CCDC92: variants seen among roughly 807,000 people sequenced by gnomAD.
CCDC92 encodes coiled-coil domain-containing protein 92.
Under a neutral mutation model 24.9 loss-of-function variants are expected in CCDC92, and 12 were observed. That is an observed-to-expected ratio of 0.48 (90% CI 0.31 to 0.78). The LOEUF (loss-of-function observed/expected upper bound fraction) is 0.78, where lower values mean the gene tolerates loss of function less well. Ranked by LOEUF, CCDC92 falls within the 30% of genes least tolerant of loss-of-function variation. CCDC92 has a pLI of 0.05. For missense variants in CCDC92, 399 were observed against 439.4 expected (o/e 0.91, Z 0.82); for synonymous variants, 193 against 196.3 (o/e 0.98, Z 0.14).
chr12:123,955,512 C>T (rs1956129779), intron 1 of CCDC92, among the ~76,000 whole-genome samples: 1 of 152,246 alleles, frequency 6.6e-6, no homozygotes, highest in African/African-American at 2.4e-5. Flanking sequence ...AAATCTCAGT[C>T]TCTATGGTTT....
Position 123,943,329 on chromosome 12 carries a change from G to T in CCDC92, c.181+18C>A. 3 of 1,609,178 alleles carry T rather than the reference G, an allele frequency of 1.9e-6. No homozygotes were observed. In the South Asian group the frequency reaches 3.3e-5, roughly 18 times the overall value. On this transcript the variant is annotated intron_variant, in intron 3 of 4. Transcript: ENST00000238156. ...CCATAGCCGCCCCCCGCCTGCCCGGGCCTGCTCCCCGATGTACCTGTGCAG... is the reference window on the plus strand; with the variant it reads ...CCATAGCCGCCCCCCGCCTGCCCGGTCCTGCTCCCCGATGTACCTGTGCAG...
At position 123,946,964 on chromosome 12, in the gene CCDC92, C is replaced by T. The variant is rs899523354; in HGVS notation, c.-59-2600G>A. On this transcript the variant is annotated intron_variant, in intron 1 of 4. Coordinates refer to ENST00000238156, the MANE Select transcript of CCDC92 (RefSeq NM_025140.3). Reference sequence around the variant, plus strand: ...GTGGAGGGAGAGGCGCAAGCAGAACCGGGGCTGCGTGCGGCGGCGCTTGCA... The same window carrying T: ...GTGGAGGGAGAGGCGCAAGCAGAACTGGGGCTGCGTGCGGCGGCGCTTGCA... Among the ~76,000 whole-genome samples the T allele has an allele frequency of 4.6e-5, 7 of 152,110 alleles. No homozygotes were observed. The South Asian group carries it at 6.2e-4, about 14-fold the overall frequency.
Position 123,937,458 on chromosome 12 carries a change from G to A in CCDC92, c.596C>T (p.Pro199Leu), listed in dbSNP as rs1404252578. ...YKPAPPKDKL[P>L]ETPRRRMKKS... ...TTTCATGCGGCGGCGAGGCGTTTCG[G>A]GTAGCTTGTCTTTGGGGGGCGCTGG... The change falls in exon 5 of 5, where the codon CCC becomes CTC. Residue 199 changes from proline (P) to leucine (L), a missense_variant. Coordinates refer to ENST00000238156, the MANE Select transcript of CCDC92 (RefSeq NM_025140.3). The surrounding 1 kb of genome is among the most constrained non-coding windows in gnomAD (Gnocchi z 8.4). 5 of 1,613,354 alleles carry A rather than the reference G, an allele frequency of 3.1e-6. No individual in the cohort carries two copies. The highest frequency in any genetic ancestry group is 4.2e-6 in the Non-Finnish European group (5 of 1,180,024).
intron 1 of CCDC92, chr12:123,944,930 G>A (rs892820161): frequency 1.3e-5 from 2 of 152,184 alleles, no homozygotes; most frequent in Non-Finnish European, 2.9e-5. Context: ...ACCACGGGCA[G>A]TGATTGGGCA....
intron 1 of CCDC92, among the ~76,000 whole-genome samples, chr12:123,950,537 A>C (rs142992027): frequency 6.6e-6 from 1 of 152,164 alleles, no homozygotes. Flanking sequence ...AAGCAGCAAG[A>C]CTAGCTTAGG....
At chr12:123,966,406 T>C (rs1339345603) in intron 1 of CCDC92, 1 of 152,182 alleles carries the variant, frequency 6.6e-6, no homozygotes, top group Non-Finnish European at 1.5e-5. Flanking sequence ...ACATCCCCAA[T>C]GGTAGGACAT....
At chr12:123,948,257 G>A (rs1405717950) in intron 1 of CCDC92, among the ~76,000 whole-genome samples, 1 of 152,266 alleles carries the variant, frequency 6.6e-6, no homozygotes, top group East Asian at 1.9e-4. Context: ...CACGGGGGCA[G>A]AGGGGAATGG....
rs534203662 is a variant in CCDC92 at position 123,937,873 on chromosome 12, C to G, written c.224-43G>C. ...GGAAGCAGGTGAAGAACTCATTAGA[C>G]TGAGGCCGAGTGGTGAGGCCTATGG... On this transcript the variant is annotated intron_variant, in intron 4 of 4. Coordinates refer to ENST00000238156, the MANE Select transcript of CCDC92 (RefSeq NM_025140.3). This position sits in a 1 kb window ranked among gnomAD's most constrained non-coding sequence, Gnocchi z 8.4. 28 of 1,558,584 alleles carry G rather than the reference C, an allele frequency of 1.8e-5. No individual in the cohort carries two copies. Among genetic ancestry groups the G allele is most frequent in the Non-Finnish European group, 2.3e-5 (27 of 1,159,048 alleles).
At chr12:123,969,206 T>C (rs566920559) in intron 1 of CCDC92, among the ~76,000 whole-genome samples, 1 of 152,230 alleles carries the variant, frequency 6.6e-6, no homozygotes, top group Non-Finnish European at 1.5e-5. Context: ...GTCTTTCTTC[T>C]TCAAACACAA....
At chr12:123,938,317 G>A (rs1417031736) in intron 4 of CCDC92, among the ~76,000 whole-genome samples, 8 of 152,028 alleles carry the variant, frequency 5.3e-5, no homozygotes, top group Admixed American at 2.0e-4. Flanking sequence ...GCCGCTGGCC[G>A]CCTCTCTCAC....
chr12:123,950,784 C>A (rs1956006234), intron 1 of CCDC92, among the ~76,000 whole-genome samples: 1 of 152,216 alleles, frequency 6.6e-6, no homozygotes, highest in African/African-American at 2.4e-5. Context: ...ACTTATCTTC[C>A]CCCTTTTAAA....
intron 1 of CCDC92, among the ~76,000 whole-genome samples, chr12:123,963,949 G>A (rs548167085): frequency 6.6e-6 from 1 of 152,288 alleles, no homozygotes; most frequent in African/African-American, 2.4e-5. Flanking sequence ...ATGAAATCAT[G>A]TCAAAACTCC....
Position 123,936,308 on chromosome 12 carries a change from AG to A in CCDC92, c.*749del, listed in dbSNP as rs1037874812. 23 of 152,458 alleles carry A rather than the reference AG, an allele frequency of 1.5e-4. No individual in the cohort carries two copies. Among genetic ancestry groups the A allele is most frequent in the African/African-American group, 5.3e-4 (22 of 41,586 alleles). The allele number at this position is 152,458 out of a possible 1,614,324, so 9.4% of individuals were successfully genotyped here. ...TAAGGACTAGCTCTGGGCCGGGAGG[AG>A]GCCGGAGTCGCTTCTGGGACCTGTG... On this transcript the variant is annotated 3_prime_UTR_variant, in exon 5 of 5. Coordinates refer to ENST00000238156, the MANE Select transcript of CCDC92 (RefSeq NM_025140.3).
intron 1 of CCDC92, among the ~76,000 whole-genome samples, chr12:123,963,057 G>A (rs1174351459): frequency 6.6e-6 from 1 of 152,018 alleles, no homozygotes. Context: ...AGATGCTTTG[G>A]GCTGTCATGA....
chr12:123,941,643 A>T (rs928932777), intron 4 of CCDC92, among the ~76,000 whole-genome samples: 6 of 152,178 alleles, frequency 3.9e-5, no homozygotes, highest in African/African-American at 1.4e-4. Context: ...ATATCTCTAT[A>T]TATGTTCCAG....
At chr12:123,953,960 T>C (rs886472227) in intron 1 of CCDC92, among the ~76,000 whole-genome samples, 9 of 152,170 alleles carry the variant, frequency 5.9e-5, no homozygotes, top group Admixed American at 3.3e-4. Context: ...CCATCTCAAA[T>C]AAACAAACAA....
At chr12:123,946,454 G>A (rs1955873091) in intron 1 of CCDC92, 1 of 152,276 alleles carries the variant, frequency 6.6e-6, no homozygotes, top group Non-Finnish European at 1.5e-5. Flanking sequence ...TATCCTTTAG[G>A]TCTCAGTACA....
intron 3 of CCDC92, among the ~76,000 whole-genome samples, 195 bp from the exon 4 acceptor site, chr12:123,942,980 C>T (rs1355605181): frequency 6.6e-6 from 1 of 152,174 alleles, no homozygotes; most frequent in Non-Finnish European, 1.5e-5. Context: ...GGTCAGAGGG[C>T]ACCCTCTGTT....
chr12:123,952,515 C>A (rs1467936562), intron 1 of CCDC92, among the ~76,000 whole-genome samples: 1 of 152,198 alleles, frequency 6.6e-6, no homozygotes, highest in African/African-American at 2.4e-5. Context: ...TTCCAAATAC[C>A]TGCTTTTAAG....
Sources: gnomAD v4.1 joint callset for allele counts (sites outside exome capture counted in the v4.1 genomes callset) on GRCh38, gnomAD v4.1.1 for gene constraint, Gnocchi (gnomAD v3.1) non-coding constraint, MANE v1.5 for transcripts, NCBI Gene and HGNC (gene_info 2026-07-23, HGNC 2026-07-21) for gene names.